CAPN13: variants seen among roughly 807,000 people sequenced by gnomAD.
The protein encoded by CAPN13 is calpain-13.
In CAPN13, 90 loss-of-function variants were observed where a neutral mutation model predicts 98.4. The observed-to-expected ratio is 0.92, with a 90% CI of 0.77 to 1.09. CAPN13 has a LOEUF of 1.09. CAPN13 is among the 50% of genes least tolerant of loss of function. CAPN13 has a pLI of 0.00. For missense variants in CAPN13, 887 were observed against 841.3 expected (o/e 1.05, Z -0.67); for synonymous variants, 330 against 305.5 (o/e 1.08, Z -0.84).
intron 11 of CAPN13, among the ~76,000 whole-genome samples, chr2:30,747,550 C>T (rs1671973599): frequency 6.6e-6 from 1 of 152,214 alleles, no homozygotes; most frequent in African/African-American, 2.4e-5. Context: ...ATCCTTTTCA[C>T]TGTCCTGTCT....
At chr2:30,743,694 C>G in intron 12 of CAPN13, 115 bp from the exon 13 acceptor site, 1 of 901,352 alleles carries the variant, frequency 1.1e-6, no homozygotes, top group Non-Finnish European at 1.8e-6. Flanking sequence ...GATAACATTA[C>G]AGGCTCTATA....
rs371408510 is a variant in CAPN13, at chr2:30,770,390, T to A, written c.447A>T (p.Gly149=). 2 of 1,613,880 alleles carry A rather than the reference T, an allele frequency of 1.2e-6. No individual in the cohort carries two copies. The highest frequency in any genetic ancestry group is 2.7e-5 in the African/African-American group (2 of 74,950). Residue 149 remains glycine, a synonymous_variant, in exon 5 of 23, where the codon GGA becomes GGT. Transcript: ENST00000295055. The part of the protein sequence containing the change: ...VVIDDRLPVQ[G]DKCLFVRPRH... Reference sequence around the variant, plus strand: ...GAGGACGCACAAAGAGGCATTTATCTCCCTGGACAGGTAGGCGGTCATCAA... The same window carrying A: ...GAGGACGCACAAAGAGGCATTTATCACCCTGGACAGGTAGGCGGTCATCAA...
chr2:30,776,593 C>G (rs923349136), intron 3 of CAPN13, among the ~76,000 whole-genome samples: 1 of 152,128 alleles, frequency 6.6e-6, no homozygotes, highest in East Asian at 1.9e-4. Flanking sequence ...AAAACTGATT[C>G]GCGTTTTTCT....
chr2:30,754,216 C>T (rs1008590767), intron 9 of CAPN13, 74 bp downstream of exon 9: 1 of 1,190,454 alleles, frequency 8.4e-7, no homozygotes, highest in Non-Finnish European at 1.1e-6. Context: ...CGTAAATGTT[C>T]AGGGAAAAGG....
At chr2:30,768,023 C>G (rs1673195664) in intron 5 of CAPN13, among the ~76,000 whole-genome samples, 1 of 152,184 alleles carries the variant, frequency 6.6e-6, no homozygotes, top group South Asian at 2.1e-4. Flanking sequence ...ATGATGCTCT[C>G]CACTCATTTT....
In CAPN13 at chr2:30,764,044, C is replaced by T. The variant is rs17010214; in HGVS notation, c.699+88G>A. 0.011 allele frequency: 15,264 copies of T among 1,350,448 alleles called. 1,353 individuals carry two copies. In the African/African-American group the frequency reaches 0.19, roughly 17 times the overall value. 83.7% of individuals were successfully genotyped at this position (1,350,448 alleles called of 1,614,324 possible). The stretch of plus-strand genomic sequence containing the variant: ...GTTCGTTAATGGTGGCAGCTTGCCA[C>T]ATCCTCCTTAGCTGAATGGACCCCT... On this transcript the variant is annotated intron_variant, in intron 6 of 22. Coordinates refer to ENST00000295055, the MANE Select transcript of CAPN13 (RefSeq NM_144575.3).
At chr2:30,758,244 C>A in intron 7 of CAPN13, 107 bp from the exon 8 acceptor site, 1 of 755,900 alleles carries the variant, frequency 1.3e-6, no homozygotes, top group Non-Finnish European at 2.1e-6. Flanking sequence ...TAACTTCTGA[C>A]CTCATTTGGC....
In CAPN13 at chr2:30,763,490, T is replaced by A. The variant is rs376978967; in HGVS notation, c.700-334A>T. Among the ~76,000 whole-genome samples the A allele has an allele frequency of 4.6e-5, 7 of 152,380 alleles. No individual in the cohort carries two copies. The South Asian group carries it at 1.0e-3, about 23-fold the overall frequency. ...GACATTCACAGGAGTCAGGAATCAC[T>A]TGACCCCCACATTGGGAGTAACTGG... On this transcript the variant is annotated intron_variant, in intron 6 of 22. Coordinates refer to ENST00000295055, the MANE Select transcript of CAPN13 (RefSeq NM_144575.3).
At chr2:30,768,790 T>C (rs1673238713) in intron 5 of CAPN13, among the ~76,000 whole-genome samples, 1 of 152,120 alleles carries the variant, frequency 6.6e-6, no homozygotes, top group African/African-American at 2.4e-5. Context: ...TATGCGTTCT[T>C]GTGAAATGAG....
chr2:30,778,037 A>G (rs562207574), intron 2 of CAPN13, among the ~76,000 whole-genome samples: 2 of 152,366 alleles, frequency 1.3e-5, no homozygotes, highest in South Asian at 2.1e-4. Flanking sequence ...TATAACTTTC[A>G]TAATAAAGCT....
intron 4 of CAPN13, among the ~76,000 whole-genome samples, chr2:30,773,915 C>A (rs1382654597): frequency 6.6e-6 from 1 of 152,154 alleles, no homozygotes; most frequent in Non-Finnish European, 1.5e-5. Flanking sequence ...TGTCCATGAG[C>A]CATTTATAAA....
chr2:30,753,255 G>T, intron 9 of CAPN13, 57 bp from the exon 10 acceptor site: 1 of 1,587,996 alleles, frequency 6.3e-7, no homozygotes, highest in Non-Finnish European at 8.6e-7. Flanking sequence ...CCAGGGTGGG[G>T]GTTCCTATGA....
intron 7 of CAPN13, among the ~76,000 whole-genome samples, chr2:30,759,789 C>T (rs978138003): frequency 1.6e-4 from 25 of 152,166 alleles, no homozygotes; most frequent in African/African-American, 4.8e-4. Context: ...AGTAAAGGTT[C>T]GTTCTTGGAT....
chr2:30,742,435 A>AGGTG, intron 13 of CAPN13, 76 bp from the exon 14 acceptor site: 2 of 1,495,048 alleles, frequency 1.3e-6, no homozygotes, highest in Non-Finnish European at 1.8e-6. Context: ...GAGGGCACCC[A>AGGTG]GGTGGCACTG....
intron 2 of CAPN13, among the ~76,000 whole-genome samples, chr2:30,786,149 C>T (rs1674265732): frequency 6.6e-6 from 1 of 152,208 alleles, no homozygotes; most frequent in Non-Finnish European, 1.5e-5. Context: ...TCTTAGTAGT[C>T]ACCAATAGAA....
chr2:30,743,774 G>A (rs1217765930), intron 12 of CAPN13, 195 bp from the exon 13 acceptor site: 6 of 690,574 alleles, frequency 8.7e-6, no homozygotes, highest in Non-Finnish European at 1.3e-5. Context: ...TCTAGACCCT[G>A]GACACAATGG....
At chr2:30,794,964 G>A (rs1193859222) in intron 1 of CAPN13, among the ~76,000 whole-genome samples, 2 of 151,826 alleles carry the variant, frequency 1.3e-5, no homozygotes, top group South Asian at 2.1e-4. Context: ...TTTCACATGT[G>A]TATACACATC....
At chr2:30,760,552 C>T (rs1204607426) in intron 7 of CAPN13, among the ~76,000 whole-genome samples, 1 of 152,204 alleles carries the variant, frequency 6.6e-6, no homozygotes, top group Non-Finnish European at 1.5e-5. Context: ...GAGCTAGGTG[C>T]ATAATAAAAA....
At chr2:30,797,572 G>A (rs929065184) in intron 1 of CAPN13, among the ~76,000 whole-genome samples, 3 of 152,148 alleles carry the variant, frequency 2.0e-5, no homozygotes, top group Non-Finnish European at 4.4e-5. Flanking sequence ...AGGGCTTGGC[G>A]TGGCACATAA....
Sources: allele counts gnomAD v4.1 joint callset (sites outside exome capture counted in the v4.1 genomes callset), GRCh38; gene constraint gnomAD v4.1.1; transcripts MANE v1.5; gene names NCBI Gene and HGNC (gene_info 2026-07-23, HGNC 2026-07-21).